Variants in TICAM2 observed in about 807,000 individuals in gnomAD.
TICAM2 encodes the protein TIR domain-containing adapter molecule 2.
Under a neutral mutation model 7.3 loss-of-function variants are expected in TICAM2, and 8 were observed. That is an observed-to-expected ratio of 1.10 (90% CI 0.65 to 1.99). TICAM2 has a LOEUF of 1.99. TICAM2 is among the 30% of genes most tolerant of loss of function. TICAM2 has a pLI of 0.00. For missense variants in TICAM2, 304 were observed against 278.8 expected (o/e 1.09, Z -0.65); for synonymous variants, 113 against 99.6 (o/e 1.13, Z -0.80).
At position 115,580,665 on chromosome 5, in the gene TICAM2, C is replaced by T. The variant is rs773641272; in HGVS notation, c.592G>A (p.Glu198Lys). 6.3e-7 allele frequency: 1 copy of T among 1,583,200 alleles called. No individual in the cohort carries two copies. Among genetic ancestry groups the T allele is most frequent in the Non-Finnish European group, 8.6e-7 (1 of 1,169,220 alleles). The change falls in exon 2 of 2, where the codon GAA becomes AAA. Residue 198 changes from glutamate to lysine, a missense_variant. Glu to Lys is a moderately conservative substitution (Grantham distance 56). Coordinates refer to ENST00000427199, the MANE Select transcript of TICAM2 (RefSeq NM_021649.7). Reference sequence around the variant, plus strand: ...ACTTGTGTAGGAAATCCACGACTTTCTTCCTCTAAGGCATTGATGGTTTGG... The same window carrying T: ...ACTTGTGTAGGAAATCCACGACTTTTTTCCTCTAAGGCATTGATGGTTTGG... ...ALQTINALEE[E>K]SRGFPTQVER...
At chr5:115,588,404 G>A (rs929948805) in intron 1 of TICAM2, among the ~76,000 whole-genome samples, 1 of 152,164 alleles carries the variant, frequency 6.6e-6, no homozygotes, top group East Asian at 1.9e-4. Context: ...GGGACTTCAC[G>A]TTGTACCTTT....
chr5:115,586,704 C>T (rs1316027654), intron 1 of TICAM2, among the ~76,000 whole-genome samples: 1 of 152,178 alleles, frequency 6.6e-6, no homozygotes, highest in African/African-American at 2.4e-5. Context: ...TCGTTCATAT[C>T]TGAACAGCAC....
Position 115,582,122 on chromosome 5 carries a change from A to G in TICAM2, c.-59-807T>C, listed in dbSNP as rs1704537978. On this transcript the variant is annotated intron_variant, in intron 1 of 1. Transcript: ENST00000427199. ...CAAAGAATGATTATAGTCTAGATTCATTCTTGTTTTTGTTGTTATTTATTT... is the reference window on the plus strand; with the variant it reads ...CAAAGAATGATTATAGTCTAGATTCGTTCTTGTTTTTGTTGTTATTTATTT... Among the ~76,000 whole-genome samples the G allele has an allele frequency of 2.0e-5, 3 of 152,188 alleles. No individual in the cohort carries two copies. In the South Asian group the frequency reaches 6.2e-4, roughly 32 times the overall value.
At chr5:115,583,514 C>A (rs899451450) in intron 1 of TICAM2, among the ~76,000 whole-genome samples, 8 of 152,156 alleles carry the variant, frequency 5.3e-5, no homozygotes, top group Non-Finnish European at 1.0e-4. Context: ...AGCAGTGTCA[C>A]CCACCTAATC....
At chr5:115,589,935 A>C (rs1288243948) in intron 1 of TICAM2, among the ~76,000 whole-genome samples, 1 of 152,254 alleles carries the variant, frequency 6.6e-6, no homozygotes, top group African/African-American at 2.4e-5. Context: ...CCAAACAGAT[A>C]GCTTTTGATC....
At chr5:115,595,343 C>A (rs905145216) in intron 1 of TICAM2, among the ~76,000 whole-genome samples, 16 of 152,260 alleles carry the variant, frequency 1.1e-4, no homozygotes, top group Admixed American at 9.2e-4. Flanking sequence ...TTCAAACAAA[C>A]CCTCCCCACA....
Position 115,580,593 on chromosome 5 carries a change from A to G in TICAM2, c.664T>C (p.Trp222Arg). 2 of 1,600,214 alleles carry G rather than the reference A, an allele frequency of 1.2e-6. No homozygotes were observed. The highest frequency in any genetic ancestry group is 2.2e-5 in the East Asian group (1 of 44,564). Residue 222 changes from tryptophan (W) to arginine (R), a missense_variant, in exon 2 of 2, where the codon TGG becomes CGG. Coordinates refer to ENST00000427199, the MANE Select transcript of TICAM2 (RefSeq NM_021649.7). Reference protein sequence around the residue: ...ESVYKTQQTIWKETRNMVQRQ... With the variant: ...ESVYKTQQTIRKETRNMVQRQ... ...TGTACCATATTTCTTGTCTCTTTCC[A>G]TATAGTTTGTTGTGTCTTATACACA...
chr5:115,588,877 G>C (rs1755206071), intron 1 of TICAM2, among the ~76,000 whole-genome samples: 1 of 152,144 alleles, frequency 6.6e-6, no homozygotes, highest in Non-Finnish European at 1.5e-5. Flanking sequence ...AAAAGCCCCA[G>C]GCCAGTAGAC....
In TICAM2 at chr5:115,581,321, A is replaced by G. The variant is rs371570248; in HGVS notation, c.-59-6T>C. 1.9e-6 allele frequency: 3 copies of G among 1,592,842 alleles called. No homozygotes were observed. Among genetic ancestry groups the G allele is most frequent in the Non-Finnish European group, 2.5e-6 (3 of 1,176,486 alleles). ...TCTCAGCATTTCTTTTCAATCTAAA[A>G]GAAGTAACAAAACAGAAGAATATTA... On this transcript the variant is annotated splice_polypyrimidine_tract_variant and splice_region_variant and intron_variant, in intron 1 of 1. Coordinates refer to ENST00000427199, the MANE Select transcript of TICAM2 (RefSeq NM_021649.7).
intron 1 of TICAM2, among the ~76,000 whole-genome samples, chr5:115,594,584 C>A (rs752807895): frequency 2.0e-5 from 3 of 152,144 alleles, no homozygotes; most frequent in Non-Finnish European, 2.9e-5. Flanking sequence ...GGCAGCTTGA[C>A]AAGGTGTTTA....
In TICAM2 at chr5:115,579,873, G is replaced by C. The variant is rs1005749480; in HGVS notation, c.*676C>G. The C allele has an allele frequency of 6.6e-6, 1 of 152,180 alleles. No homozygotes were observed. The highest frequency in any genetic ancestry group is 2.1e-4 in the South Asian group (1 of 4,820). 9.4% of individuals were successfully genotyped at this position (152,180 alleles called of 1,614,324 possible). ...ATATGAAGAGATTTAAGCCCCAGGG[G>C]ACGTCTGAACACCACTCCACGAAGT... On this transcript the variant is annotated 3_prime_UTR_variant, in exon 2 of 2. Coordinates refer to ENST00000427199, the MANE Select transcript of TICAM2 (RefSeq NM_021649.7).
rs889695986 is a variant in TICAM2, at chr5:115,602,293, G to C, written c.-256C>G. ...GCGCTTGCAGAGCCCGGACGCGCGTGAGTCGGGGGCCCGCAGAGGCCTCAC... is the reference window on the plus strand; with the variant it reads ...GCGCTTGCAGAGCCCGGACGCGCGTCAGTCGGGGGCCCGCAGAGGCCTCAC... On this transcript the variant is annotated 5_prime_UTR_variant, in exon 1 of 2. Coordinates refer to ENST00000427199, the MANE Select transcript of TICAM2 (RefSeq NM_021649.7). 8.5e-5 allele frequency: 13 copies of C among 152,408 alleles called. No individual in the cohort carries two copies. Among genetic ancestry groups the C allele is most frequent in the African/African-American group, 3.1e-4 (13 of 41,440 alleles). The allele number at this position is 152,408 out of a possible 1,614,324, so 9.4% of individuals were successfully genotyped here.
chr5:115,586,676 A>G (rs1380976783), intron 1 of TICAM2, among the ~76,000 whole-genome samples: 1 of 152,234 alleles, frequency 6.6e-6, no homozygotes, highest in Non-Finnish European at 1.5e-5. Context: ...TGAATCCTTC[A>G]GCCTTGGAGA....
At chr5:115,599,705 C>T (rs1421937732) in intron 1 of TICAM2, among the ~76,000 whole-genome samples, 4 of 152,170 alleles carry the variant, frequency 2.6e-5, no homozygotes, top group African/African-American at 9.7e-5. Context: ...GTCTAGCAGA[C>T]ACCAGCTGCA....
At chr5:115,595,203 G>GATCA (rs1001845145) in intron 1 of TICAM2, among the ~76,000 whole-genome samples, 3 of 152,098 alleles carry the variant, frequency 2.0e-5, no homozygotes, top group Admixed American at 6.5e-5. Flanking sequence ...CAGACAGATG[G>GATCA]ATCAATCAAT....
chr5:115,590,039 A>AT (rs934159808), intron 1 of TICAM2, among the ~76,000 whole-genome samples: 1 of 152,160 alleles, frequency 6.6e-6, no homozygotes, highest in Non-Finnish European at 1.5e-5. Flanking sequence ...CTTATACTAC[A>AT]TTTTTTAAAT....
Position 115,579,014 on chromosome 5 carries a change from T to C in TICAM2, c.*1535A>G, listed in dbSNP as rs753402411. ...CAGATCCCGGTACTGGTAGGGGATA[T>C]ACAAGTGGGGAATAAGAAAAAAGAA... On this transcript the variant is annotated 3_prime_UTR_variant, in exon 2 of 2. Coordinates refer to ENST00000427199, the MANE Select transcript of TICAM2 (RefSeq NM_021649.7). 5.9e-5 allele frequency: 9 copies of C among 152,612 alleles called. No homozygotes were observed. Among genetic ancestry groups the C allele is most frequent in the African/African-American group, 1.2e-4 (5 of 41,446 alleles). The allele number at this position is 152,612 out of a possible 1,614,324, so 9.5% of individuals were successfully genotyped here.
chr5:115,584,633 T>C (rs1022997887), intron 1 of TICAM2, among the ~76,000 whole-genome samples: 3 of 152,204 alleles, frequency 2.0e-5, no homozygotes, highest in Non-Finnish European at 4.4e-5. Context: ...CTTGATAGAA[T>C]GACACCCCAA....
At chr5:115,588,670 T>C (rs1361767506) in intron 1 of TICAM2, among the ~76,000 whole-genome samples, 3 of 152,244 alleles carry the variant, frequency 2.0e-5, no homozygotes, top group Non-Finnish European at 4.4e-5. Context: ...CTAAAAACTT[T>C]CATCTCCCAG....
Sources: allele counts gnomAD v4.1 joint callset (sites outside exome capture counted in the v4.1 genomes callset), GRCh38; gene constraint gnomAD v4.1.1; transcripts MANE v1.5; gene names NCBI Gene and HGNC (gene_info 2026-07-23, HGNC 2026-07-21).